Variants in SLC24A2 observed in about 807,000 individuals in gnomAD.
SLC24A2 encodes the protein sodium/potassium/calcium exchanger 2.
In SLC24A2, 36 loss-of-function variants were observed where a neutral mutation model predicts 62.0. The observed-to-expected ratio is 0.58, with a 90% CI of 0.44 to 0.77. SLC24A2 has a LOEUF of 0.77. Ranked by LOEUF, SLC24A2 falls within the 30% of genes least tolerant of loss-of-function variation. The pLI is 0.00. For missense variants in SLC24A2, 846 were observed against 817.9 expected (o/e 1.03, Z -0.42); for synonymous variants, 358 against 294.0 (o/e 1.22, Z -2.23).
chr9:19,707,021 A>G (rs1171604211), intron 2 of SLC24A2, among the ~76,000 whole-genome samples: 1 of 152,044 alleles, frequency 6.6e-6, no homozygotes, highest in Non-Finnish European at 1.5e-5. Flanking sequence ...AGACTAATAA[A>G]GAAGAAAAGA....
the SLC24A2 span, among the ~76,000 whole-genome samples, chr9:20,006,749 T>A: frequency 1.3e-5 from 2 of 152,288 alleles, no homozygotes; most frequent in African/African-American, 4.8e-5. Flanking sequence ...TCTGAAATTT[T>A]AGGGGCAGTC....
chr9:20,177,908 G>T, the SLC24A2 span, among the ~76,000 whole-genome samples: 2 of 151,972 alleles, frequency 1.3e-5, no homozygotes, highest in South Asian at 2.1e-4. Flanking sequence ...ATTGCCGAGG[G>T]GACACGCTCA....
chr9:19,614,108 AG>A (rs1278029921), intron 4 of SLC24A2, among the ~76,000 whole-genome samples: 3 of 152,196 alleles, frequency 2.0e-5, no homozygotes, highest in Admixed American at 6.5e-5. Context: ...CCTTGTTTTT[AG>A]GTTCATGAAG....
chr9:20,030,217 T>C, the SLC24A2 span, among the ~76,000 whole-genome samples: 1 of 152,226 alleles, frequency 6.6e-6, no homozygotes, highest in Non-Finnish European at 1.5e-5. Flanking sequence ...AGAGGCCAGA[T>C]GTGAAGATAC....
At chr9:19,963,811 C>T in the SLC24A2 span, among the ~76,000 whole-genome samples, 8 of 152,088 alleles carry the variant, frequency 5.3e-5, no homozygotes, top group Non-Finnish European at 7.4e-5. Context: ...GTCAGTGTGG[C>T]GATTCCTCGG....
Position 19,670,731 on chromosome 9 carries a change from C to A in SLC24A2, c.931-48432G>T, listed in dbSNP as rs535067543. On this transcript the variant is annotated intron_variant, in intron 2 of 10. Transcript: ENST00000341998. ...GGTTAGGATGAAGAGGCAGACATGG[C>A]CCAAACTCTTGTATGTCTCAGGGTA... 5.3e-5 allele frequency among the ~76,000 whole-genome samples: 8 copies of A among 152,302 alleles called. No homozygotes were observed. In the East Asian group the frequency reaches 1.4e-3, roughly 26 times the overall value.
At chr9:20,127,933 AT>A in the SLC24A2 span, among the ~76,000 whole-genome samples, 20 of 151,724 alleles carry the variant, frequency 1.3e-4, no homozygotes, top group South Asian at 8.4e-4. Flanking sequence ...AAAATGAAGA[AT>A]TTTTTTTTAA....
At chr9:19,544,255 C>CTTTTTTTTTTT (rs375479154) in intron 8 of SLC24A2, among the ~76,000 whole-genome samples, 611 of 123,470 alleles carry the variant, frequency 4.9e-3, no homozygotes, top group Non-Finnish European at 6.8e-3. Context: ...GCAACCCCTG[C>CTTTTTTTTTTT]TTTTTTTTTT....
At chr9:20,082,594 T>C in the SLC24A2 span, among the ~76,000 whole-genome samples, 1 of 152,250 alleles carries the variant, frequency 6.6e-6, no homozygotes, top group African/African-American at 2.4e-5. Flanking sequence ...CATCACCAGC[T>C]GGCTGCCTGT....
At chr9:19,593,252 G>A (rs1018166131) in intron 5 of SLC24A2, among the ~76,000 whole-genome samples, 5 of 152,364 alleles carry the variant, frequency 3.3e-5, no homozygotes, top group African/African-American at 9.6e-5. Flanking sequence ...AAGGTCATGA[G>A]TTCTTTAGGA....
chr9:19,914,994 C>T, the SLC24A2 span, among the ~76,000 whole-genome samples: 22 of 152,064 alleles, frequency 1.4e-4, no homozygotes, highest in Non-Finnish European at 1.8e-4. Context: ...TTAAAGTGTG[C>T]AATCTAATAG....
intron 4 of SLC24A2, among the ~76,000 whole-genome samples, chr9:19,598,424 T>C (rs1411520023): frequency 6.6e-6 from 1 of 152,212 alleles, no homozygotes; most frequent in Non-Finnish European, 1.5e-5. Flanking sequence ...TTCATATTTG[T>C]ATGATACATC....
the SLC24A2 span, among the ~76,000 whole-genome samples, chr9:20,252,007 C>T: frequency 1.3e-5 from 2 of 152,312 alleles, no homozygotes; most frequent in African/African-American, 4.8e-5. Context: ...GGACTTGGGT[C>T]ACCTGCCCAT....
intron 2 of SLC24A2, among the ~76,000 whole-genome samples, chr9:19,661,779 G>T (rs1277019774): frequency 1.3e-5 from 2 of 152,312 alleles, no homozygotes; most frequent in East Asian, 3.9e-4. Context: ...TCCCTCTGTT[G>T]TAATTTTCCA....
At chr9:20,260,779 T>C in the SLC24A2 span, among the ~76,000 whole-genome samples, 1 of 151,742 alleles carries the variant, frequency 6.6e-6, no homozygotes, top group Admixed American at 6.6e-5. Flanking sequence ...GTACCCAATG[T>C]GTAGTCCTTT....
the SLC24A2 span, among the ~76,000 whole-genome samples, chr9:19,998,849 C>A: frequency 1.3e-5 from 2 of 152,178 alleles, no homozygotes; most frequent in African/African-American, 4.8e-5. Flanking sequence ...TACATAGCAG[C>A]TTTCCTCCTT....
At chr9:20,271,864 G>T in the SLC24A2 span, among the ~76,000 whole-genome samples, 1 of 152,190 alleles carries the variant, frequency 6.6e-6, no homozygotes, top group African/African-American at 2.4e-5. Flanking sequence ...TTATCCATTT[G>T]TAAGGATATT....
the SLC24A2 span, among the ~76,000 whole-genome samples, chr9:20,177,426 C>T: frequency 2.0e-5 from 3 of 152,036 alleles, no homozygotes; most frequent in Non-Finnish European, 4.4e-5. Context: ...TTTGTTGCAG[C>T]AGAAAAATAC....
At chr9:20,252,875 C>A in the SLC24A2 span, among the ~76,000 whole-genome samples, 575 of 152,336 alleles carry the variant, frequency 3.8e-3, 1 homozygote, top group African/African-American at 0.011. Context: ...TTATGCCTAA[C>A]TAAGTAGCTG....
Sources: gnomAD v4.1 joint callset for allele counts (sites outside exome capture counted in the v4.1 genomes callset) on GRCh38, gnomAD v4.1.1 for gene constraint, MANE v1.5 for transcripts, NCBI Gene and HGNC (gene_info 2026-07-23, HGNC 2026-07-21) for gene names.